The following KCNQ5 variants were observed in gnomAD, a reference collection of about 807,000 sequenced individuals.
KCNQ5 encodes the protein potassium voltage-gated channel subfamily Q member 5.
In KCNQ5, 30 loss-of-function variants were observed where a neutral mutation model predicts 98.2. The ratio of observed to expected loss-of-function variants is 0.31; its 90% CI spans 0.23 to 0.41. The LOEUF is 0.41. KCNQ5 is among the 10% of genes least tolerant of loss of function. The probability of loss-of-function intolerance (pLI) is 1.00; values close to 1 mark genes in which losing one functional copy is unlikely to be tolerated. For missense variants in KCNQ5, 835 were observed against 1,182.5 expected (o/e 0.71, Z 4.31); for synonymous variants, 458 against 449.4 (o/e 1.02, Z -0.24).
chr6:72,696,067 T>C (rs1211206941), intron 1 of KCNQ5, among the ~76,000 whole-genome samples: 1 of 152,140 alleles, frequency 6.6e-6, no homozygotes, highest in Non-Finnish European at 1.5e-5. Context: ...TAGACCAATT[T>C]GGAAAAAACA....
chr6:72,772,233 T>A (rs1772934526), intron 1 of KCNQ5, among the ~76,000 whole-genome samples: 1 of 152,076 alleles, frequency 6.6e-6, no homozygotes, highest in South Asian at 2.1e-4. Context: ...AGAGAATACA[T>A]CGATGCAAAA....
chr6:72,942,608 A>T (rs1360446010), intron 1 of KCNQ5, among the ~76,000 whole-genome samples: 1 of 152,222 alleles, frequency 6.6e-6, no homozygotes, highest in African/African-American at 2.4e-5. Context: ...TTTTGGGAAA[A>T]TTTGAATACA....
At chr6:72,944,054 T>C (rs1766427906) in intron 1 of KCNQ5, among the ~76,000 whole-genome samples, 1 of 152,228 alleles carries the variant, frequency 6.6e-6, no homozygotes. Context: ...CCCCAAAGTC[T>C]GTCTTCAACC....
Position 72,622,661 on chromosome 6 carries a change from C to T in KCNQ5, c.398+74C>T, listed in dbSNP as rs2098915970. 1.3e-6 allele frequency: 2 copies of T among 1,555,804 alleles called. No homozygotes were observed. Among genetic ancestry groups the T allele is most frequent in the Non-Finnish European group, 1.7e-6 (2 of 1,146,458 alleles). Reference sequence around the variant, plus strand: ...CTGGCCCCCTGGGGCGTGCTCCGCGCTCGCGCCCTTGGGCCCCCGCGCGCG... The same window carrying T: ...CTGGCCCCCTGGGGCGTGCTCCGCGTTCGCGCCCTTGGGCCCCCGCGCGCG... On this transcript the variant is annotated intron_variant, in intron 1 of 13. Coordinates refer to ENST00000370398, the MANE Select transcript of KCNQ5 (RefSeq NM_019842.4). The surrounding 1 kb of genome is among the most constrained non-coding windows in gnomAD (Gnocchi z 6.0).
intron 1 of KCNQ5, among the ~76,000 whole-genome samples, chr6:72,848,364 A>AC (rs1336347400): frequency 6.6e-6 from 1 of 151,758 alleles, no homozygotes; most frequent in Non-Finnish European, 1.5e-5. Flanking sequence ...TCATCCCCCT[A>AC]CCCCCGACAG....
chr6:73,102,081 A>G (rs1163061394), intron 5 of KCNQ5, among the ~76,000 whole-genome samples: 1 of 152,218 alleles, frequency 6.6e-6, no homozygotes, highest in Non-Finnish European at 1.5e-5. Context: ...GAGAGAAACC[A>G]GAAACAAATC....
chr6:72,929,287 G>T (rs1765584199), intron 1 of KCNQ5, among the ~76,000 whole-genome samples: 1 of 152,074 alleles, frequency 6.6e-6, no homozygotes, highest in Non-Finnish European at 1.5e-5. Flanking sequence ...GGAGTTGAAA[G>T]CTTGTCAGTT....
chr6:72,687,483 AACAG>A (rs1427259130), intron 1 of KCNQ5, among the ~76,000 whole-genome samples: 1 of 152,202 alleles, frequency 6.6e-6, no homozygotes, highest in African/African-American at 2.4e-5. Context: ...GGCTAGTGGA[AACAG>A]ACAGTAAGTC....
chr6:72,749,112 C>A (rs1273877059), intron 1 of KCNQ5, among the ~76,000 whole-genome samples: 2 of 152,122 alleles, frequency 1.3e-5, no homozygotes, highest in Non-Finnish European at 2.9e-5. Flanking sequence ...CCTCATACTT[C>A]TTTTCACCAC....
chr6:72,879,885 G>C (rs183611424), intron 1 of KCNQ5, among the ~76,000 whole-genome samples: 1 of 151,944 alleles, frequency 6.6e-6, no homozygotes, highest in Non-Finnish European at 1.5e-5. Flanking sequence ...ATATATGCTC[G>C]AGTAGCCTCC....
intron 1 of KCNQ5, among the ~76,000 whole-genome samples, chr6:73,003,375 A>T (rs942075132): frequency 6.6e-6 from 1 of 152,222 alleles, no homozygotes; most frequent in African/African-American, 2.4e-5. Flanking sequence ...TTAATATATG[A>T]TCTTATTATT....
intron 1 of KCNQ5, among the ~76,000 whole-genome samples, chr6:72,725,981 T>A (rs1321606813): frequency 1.3e-5 from 2 of 152,116 alleles, no homozygotes; most frequent in Non-Finnish European, 2.9e-5. Context: ...ATCACAGTCA[T>A]AGCTTTCTTA....
intron 3 of KCNQ5, among the ~76,000 whole-genome samples, chr6:73,056,236 G>T (rs1266660608): frequency 6.6e-6 from 1 of 152,176 alleles, no homozygotes; most frequent in Non-Finnish European, 1.5e-5. Context: ...TCCTGTGCTT[G>T]TCTGTAGTCA....
chr6:72,966,333 C>T (rs867628363), intron 1 of KCNQ5, among the ~76,000 whole-genome samples: 7 of 151,430 alleles, frequency 4.6e-5, no homozygotes, highest in African/African-American at 9.7e-5. Flanking sequence ...CCAAGGCGGG[C>T]GGATCACCTG....
At chr6:72,777,209 T>G (rs1216455435) in intron 1 of KCNQ5, among the ~76,000 whole-genome samples, 8 of 152,164 alleles carry the variant, frequency 5.3e-5, no homozygotes, top group African/African-American at 1.9e-4. Context: ...TGAATTTTAG[T>G]TTGGCCACTC....
rs117013348 is a variant in KCNQ5 at position 73,164,296 on chromosome 6, A to T, written c.1469-5450A>T. 8.7e-4 allele frequency among the ~76,000 whole-genome samples: 132 copies of T among 152,320 alleles called. 2 individuals are homozygous for T. The East Asian group carries it at 0.025, about 29-fold the overall frequency. On this transcript the variant is annotated intron_variant, in intron 10 of 13. Transcript: ENST00000370398. Reference sequence around the variant, plus strand: ...TTTGTAGCTTTGAAGCAAGAAAAAAAAATTCCCTAATTCACTCCTGCCTCA... The same window carrying T: ...TTTGTAGCTTTGAAGCAAGAAAAAATAATTCCCTAATTCACTCCTGCCTCA...
intron 1 of KCNQ5, among the ~76,000 whole-genome samples, chr6:72,808,974 A>G (rs1230664910): frequency 3.3e-5 from 5 of 151,250 alleles, no homozygotes; most frequent in Non-Finnish European, 7.4e-5. Context: ...CACAATAGCA[A>G]AGACTTGGAA....
At chr6:72,829,449 T>TTC (rs10647361) in intron 1 of KCNQ5, among the ~76,000 whole-genome samples, 50 of 151,368 alleles carry the variant, frequency 3.3e-4, no homozygotes, top group Non-Finnish European at 5.3e-4. Flanking sequence ...TCCTCTTCTC[T>TTC]TCTCTCTCTC....
intron 1 of KCNQ5, among the ~76,000 whole-genome samples, chr6:72,830,089 C>A (rs1171982539): frequency 6.6e-6 from 1 of 152,114 alleles, no homozygotes; most frequent in African/African-American, 2.4e-5. Context: ...AAAGAGGACA[C>A]AAACAAATGG....
Sources: gnomAD v4.1 joint callset for allele counts (sites outside exome capture counted in the v4.1 genomes callset) on GRCh38, gnomAD v4.1.1 for gene constraint, Gnocchi (gnomAD v3.1) non-coding constraint, MANE v1.5 for transcripts, NCBI Gene and HGNC (gene_info 2026-07-23, HGNC 2026-07-21) for gene names.